The following PKHD1 variants were observed in gnomAD, a reference collection of about 807,000 sequenced individuals.
PKHD1 encodes the protein fibrocystin.
A neutral mutation model predicts 412.0 loss-of-function variants in PKHD1; 291 were observed. The ratio of observed to expected loss-of-function variants is 0.71; its 90% CI spans 0.64 to 0.78. PKHD1 has a LOEUF of 0.78. Ranked by LOEUF, PKHD1 falls within the 30% of genes least tolerant of loss-of-function variation. The pLI, the probability that PKHD1 is intolerant of heterozygous loss-of-function variation, is 0.00. For missense variants in PKHD1, 4,825 were observed against 4,950.7 expected (o/e 0.97, Z 0.76); for synonymous variants, 1,777 against 1,821.5 (o/e 0.98, Z 0.62).
intron 63 of PKHD1, among the ~76,000 whole-genome samples, chr6:51,642,736 A>T (rs565530316): frequency 6.6e-6 from 1 of 152,288 alleles, no homozygotes. Flanking sequence ...GCTACTCAGG[A>T]GGCTAAGACA....
Position 52,020,958 on chromosome 6 carries a change from A to C in PKHD1, c.5380+1843T>G, listed in dbSNP as rs372639961. Among the ~76,000 whole-genome samples, 8 of 152,214 alleles carry C rather than the reference A, an allele frequency of 5.3e-5. No individual in the cohort carries two copies. The East Asian group carries it at 1.2e-3, about 22-fold the overall frequency. On this transcript the variant is annotated intron_variant, in intron 33 of 66. Transcript: ENST00000371117. ...GTCATACACTCAAAATGCTTCATCC[A>C]GTTTCAGCGGGTTAACAGAATCCCC...
intron 60 of PKHD1, among the ~76,000 whole-genome samples, chr6:51,661,348 G>A (rs1287658721): frequency 1.3e-5 from 2 of 151,940 alleles, no homozygotes; most frequent in African/African-American, 4.8e-5. Context: ...ATAGAAATAG[G>A]GTATAAGAGA....
Position 52,046,177 on chromosome 6 carries a change from G to T in PKHD1, c.2419C>A (p.Gln807Lys). Residue 807 changes from glutamine to lysine, a missense_variant, in exon 24 of 67, where the codon CAA becomes AAA. Physicochemically the swap from Gln to Lys is moderately conservative, Grantham distance 53 (BLOSUM62 1). Transcript: ENST00000371117. ...PNTVISDVPV[Q>K]ISAHHLHQLL... ...TGGTGAAGGTGATGAGCAGAAATTT[G>T]TACAGGGACATCTGTGAGAGAAGGT... 1 of 1,612,094 alleles carries T rather than the reference G, an allele frequency of 6.2e-7. No individual in the cohort carries two copies.
chr6:51,962,084 A>C (rs1256055096), intron 35 of PKHD1, among the ~76,000 whole-genome samples: 3 of 152,114 alleles, frequency 2.0e-5, no homozygotes, highest in Non-Finnish European at 4.4e-5. Context: ...TGTTTTCTCC[A>C]AACCAACATC....
intron 35 of PKHD1, among the ~76,000 whole-genome samples, chr6:51,977,127 C>T (rs1204882915): frequency 6.6e-6 from 1 of 152,074 alleles, no homozygotes; most frequent in South Asian, 2.1e-4. Flanking sequence ...ATCTAACATC[C>T]TCATTTTTCA....
intron 35 of PKHD1, among the ~76,000 whole-genome samples, chr6:52,002,938 T>C (rs1367353320): frequency 6.6e-6 from 1 of 152,196 alleles, no homozygotes; most frequent in Non-Finnish European, 1.5e-5. Flanking sequence ...TTTTAAACAG[T>C]AATCCAGTAC....
intron 60 of PKHD1, among the ~76,000 whole-genome samples, chr6:51,707,636 C>T (rs1241008003): frequency 6.6e-6 from 1 of 152,086 alleles, no homozygotes. Context: ...ATGTTTTACT[C>T]TCACCATCCC....
chr6:51,989,949 A>G (rs1334550620), intron 35 of PKHD1, among the ~76,000 whole-genome samples: 23 of 105,762 alleles, frequency 2.2e-4, no homozygotes, highest in Admixed American at 2.7e-4. Context: ...GGAAGGAAGA[A>G]AGGAAGGAAA....
rs941244677 is a variant in PKHD1, at chr6:52,024,506, C to A, written c.5236+68G>T. 7.6e-6 allele frequency: 11 copies of A among 1,444,130 alleles called. No individual in the cohort carries two copies. The African/African-American group carries it at 1.4e-4, about 18-fold the overall frequency. 89.5% of individuals were successfully genotyped at this position (1,444,130 alleles called of 1,614,324 possible). On this transcript the variant is annotated intron_variant, in intron 32 of 66. Coordinates refer to ENST00000371117, the MANE Select transcript of PKHD1 (RefSeq NM_138694.4). ...GCAGATTGTGTTAATTTTCTACTTT[C>A]CAGAAGTGAAAGGAGCTACCAATTC...
intron 52 of PKHD1, among the ~76,000 whole-genome samples, chr6:51,801,858 G>C (rs1189261392): frequency 6.6e-6 from 1 of 151,962 alleles, no homozygotes; most frequent in Non-Finnish European, 1.5e-5. Context: ...TTTAAATTAT[G>C]ATATTTTAAT....
At chr6:51,983,134 CAG>C (rs1408324152) in intron 35 of PKHD1, among the ~76,000 whole-genome samples, 6 of 152,138 alleles carry the variant, frequency 3.9e-5, no homozygotes, top group Non-Finnish European at 5.9e-5. Context: ...ATTAATTTGT[CAG>C]AGAATTTAAC....
chr6:51,849,593 G>C (rs528110723), intron 49 of PKHD1, among the ~76,000 whole-genome samples: 1 of 152,120 alleles, frequency 6.6e-6, no homozygotes, highest in African/African-American at 2.4e-5. Context: ...CATTCTGACT[G>C]GCATGAGATG....
intron 35 of PKHD1, among the ~76,000 whole-genome samples, chr6:51,973,812 CT>C (rs1284864383): frequency 6.6e-6 from 1 of 152,078 alleles, no homozygotes; most frequent in Admixed American, 6.5e-5. Flanking sequence ...ATAGAGATTT[CT>C]TTTTTCCCCG....
intron 48 of PKHD1, among the ~76,000 whole-genome samples, chr6:51,865,875 C>G (rs1361851066): frequency 6.6e-6 from 1 of 152,094 alleles, no homozygotes; most frequent in Non-Finnish European, 1.5e-5. Context: ...TGCTTTGGGA[C>G]AAAGATCAAG....
intron 34 of PKHD1, among the ~76,000 whole-genome samples, chr6:52,011,822 T>C (rs150537496): frequency 2.6e-5 from 4 of 152,358 alleles, no homozygotes; most frequent in Non-Finnish European, 4.4e-5. Context: ...CCTAATAATG[T>C]AGACTGTCAA....
At chr6:51,848,997 G>A (rs1242822595) in intron 49 of PKHD1, among the ~76,000 whole-genome samples, 5 of 146,042 alleles carry the variant, frequency 3.4e-5, no homozygotes, top group South Asian at 2.1e-4. Context: ...ACAGGTATAC[G>A]TGTGCCATGG....
chr6:52,086,378 T>C (rs1204912127), intron 1 of PKHD1, among the ~76,000 whole-genome samples: 2 of 152,140 alleles, frequency 1.3e-5, no homozygotes, highest in Non-Finnish European at 2.9e-5. Flanking sequence ...CCCAAAGTGC[T>C]GGGATTACAG....
chr6:51,756,944 C>T (rs951636331), intron 55 of PKHD1, among the ~76,000 whole-genome samples: 12 of 152,110 alleles, frequency 7.9e-5, no homozygotes, highest in Middle Eastern at 3.2e-3. Context: ...GATCATCAAG[C>T]ATTAGATTCT....
In PKHD1 at chr6:51,903,739, A is replaced by G. The variant is rs1199239306; in HGVS notation, c.6866-12T>C. 1.2e-6 allele frequency: 2 copies of G among 1,606,638 alleles called. No homozygotes were observed. Among genetic ancestry groups the G allele is most frequent in the East Asian group, 2.2e-5 (1 of 44,668 alleles). ...ATGTCCTGACCAGTCTAATGTTTCA[A>G]CAAATCCAGGGGATCCACAAACATA... On this transcript the variant is annotated splice_polypyrimidine_tract_variant and intron_variant, in intron 42 of 66. Transcript: ENST00000371117.
Sources: allele counts gnomAD v4.1 joint callset (sites outside exome capture counted in the v4.1 genomes callset), GRCh38; gene constraint gnomAD v4.1.1; transcripts MANE v1.5; gene names NCBI Gene and HGNC (gene_info 2026-07-23, HGNC 2026-07-21).